Variants in BIRC2 observed in about 807,000 individuals in gnomAD.
BIRC2 encodes baculoviral IAP repeat-containing protein 2.
In BIRC2, 18 loss-of-function variants were observed where a neutral mutation model predicts 60.9. The ratio of observed to expected loss-of-function variants is 0.30; its 90% CI spans 0.20 to 0.44. BIRC2 has a LOEUF of 0.44. Among genes scored for constraint, BIRC2 ranks in the 20% least tolerant of loss-of-function variants. BIRC2 has a pLI of 1.00. For synonymous variants in BIRC2, 282 were observed against 247.7 expected (o/e 1.14, Z -1.30); for missense variants, 701 against 728.5 (o/e 0.96, Z 0.43).
intron 3 of BIRC2, among the ~76,000 whole-genome samples, chr11:102,360,902 G>A (rs1342885336): frequency 6.6e-6 from 1 of 151,902 alleles, no homozygotes; most frequent in Non-Finnish European, 1.5e-5. Context: ...ACTCCATGCA[G>A]CTCCATTAGC....
intron 3 of BIRC2, among the ~76,000 whole-genome samples, chr11:102,357,099 A>C (rs1951431670): frequency 6.6e-6 from 1 of 152,086 alleles, no homozygotes; most frequent in East Asian, 1.9e-4. Flanking sequence ...TAGGCTGCTG[A>C]ATTCGGTTTG....
chr11:102,354,397 C>A (rs61895375), intron 3 of BIRC2, among the ~76,000 whole-genome samples: 9,686 of 152,110 alleles, frequency 0.064, 356 homozygotes, highest in Non-Finnish European at 0.081. Flanking sequence ...TTTGTAGAGA[C>A]GGGGTTTCAC....
At chr11:102,364,186 CAGAGAGAGAGAGAG>C (rs56992401) in intron 5 of BIRC2, among the ~76,000 whole-genome samples, 2 of 99,794 alleles carry the variant, frequency 2.0e-5, no homozygotes, top group African/African-American at 4.2e-5. Flanking sequence ...CACACACACA[CAGAGAGAGAGAGAG>C]AGAGAGAGAG....
At chr11:102,360,330 C>T (rs1380188460) in intron 3 of BIRC2, among the ~76,000 whole-genome samples, 1 of 151,924 alleles carries the variant, frequency 6.6e-6, no homozygotes, top group Non-Finnish European at 1.5e-5. Context: ...TAGGCTTTCT[C>T]CACTATTCTT....
At chr11:102,363,635 C>T (rs1269971976) in intron 4 of BIRC2, 33 bp from the exon 5 acceptor site, 4 of 1,575,694 alleles carry the variant, frequency 2.5e-6, no homozygotes, top group Admixed American at 1.7e-5. Flanking sequence ...GGGATATCTG[C>T]TTTTACCTAT....
chr11:102,356,803 C>G (rs538077915), intron 3 of BIRC2, among the ~76,000 whole-genome samples: 5 of 151,582 alleles, frequency 3.3e-5, no homozygotes, highest in South Asian at 2.1e-4. Flanking sequence ...CTCAGCCTCC[C>G]GAGTAGGTGG....
Position 102,350,039 on chromosome 11 carries a change from T to G in BIRC2, c.185T>G (p.Val62Gly). The stretch of plus-strand genomic sequence containing the variant: ...TCAACTTTCCCCGCCGGGGTGCCTG[T>G]CTCAGAAAGGAGTCTTGCTCGTGCT... ...TYSTFPAGVP[V>G]SERSLARAGF... Residue 62 changes from valine (V) to glycine (G), a missense_variant, in exon 2 of 9, where the codon GTC becomes GGC. Around this residue, in one of 4 missense-constraint regions of BIRC2, gnomAD observed 375 missense variants for 365.9 expected, o/e 1.02. Coordinates refer to ENST00000227758, the MANE Select transcript of BIRC2 (RefSeq NM_001166.5). 6.2e-7 allele frequency: 1 copy of G among 1,614,232 alleles called. No individual in the cohort carries two copies. Among genetic ancestry groups the G allele is most frequent in the Non-Finnish European group, 8.5e-7 (1 of 1,180,040 alleles).
At chr11:102,365,927 A>C (rs1478393370) in intron 5 of BIRC2, among the ~76,000 whole-genome samples, 1 of 152,160 alleles carries the variant, frequency 6.6e-6, no homozygotes, top group Admixed American at 6.5e-5. Context: ...TGCTTGACTT[A>C]TCAGACCCCA....
At chr11:102,359,515 G>A (rs931844274) in intron 3 of BIRC2, among the ~76,000 whole-genome samples, 2 of 152,116 alleles carry the variant, frequency 1.3e-5, no homozygotes, top group African/African-American at 4.8e-5. Flanking sequence ...AGCGTTTCTT[G>A]TAAGGCGCGT....
intron 5 of BIRC2, among the ~76,000 whole-genome samples, chr11:102,364,172 T>TATATATATATATATATACAC: frequency 1.1e-5 from 1 of 89,730 alleles, no homozygotes; most frequent in East Asian, 3.6e-4. Flanking sequence ...TATATATATA[T>TATATATATATATATATACAC]ATACACACAC....
chr11:102,360,183 T>C (rs1423812854), intron 3 of BIRC2, among the ~76,000 whole-genome samples: 1 of 152,162 alleles, frequency 6.6e-6, no homozygotes, highest in Non-Finnish European at 1.5e-5. Flanking sequence ...GCCAGGCTGG[T>C]CTTGAACCCC....
intron 5 of BIRC2, among the ~76,000 whole-genome samples, chr11:102,364,687 A>T (rs986059335): frequency 3.3e-5 from 5 of 152,218 alleles, no homozygotes; most frequent in Admixed American, 3.3e-4. Context: ...CAGATTTGTT[A>T]ACTGGACCAG....
chr11:102,354,585 C>G (rs995025684), intron 3 of BIRC2, among the ~76,000 whole-genome samples: 1 of 152,184 alleles, frequency 6.6e-6, no homozygotes, highest in Non-Finnish European at 1.5e-5. Flanking sequence ...CTCTGAGATA[C>G]TGATTTCATT....
intron 3 of BIRC2, among the ~76,000 whole-genome samples, chr11:102,353,144 T>C (rs1465777140): frequency 2.0e-5 from 3 of 152,206 alleles, no homozygotes; most frequent in Non-Finnish European, 4.4e-5. Flanking sequence ...TAATCCATGT[T>C]GTGGTATCAA....
intron 5 of BIRC2, among the ~76,000 whole-genome samples, chr11:102,366,465 C>G (rs1951554041): frequency 6.6e-6 from 1 of 151,822 alleles, no homozygotes; most frequent in Admixed American, 6.6e-5. Context: ...CCGCCGGGTT[C>G]ACGCCATTCT....
rs745586003 is a variant in BIRC2 at position 102,362,926 on chromosome 11, A to G, written c.1026A>G (p.Gln342=). The G allele has an allele frequency of 8.7e-6, 14 of 1,613,178 alleles. No individual in the cohort carries two copies. The highest frequency in any genetic ancestry group is 1.2e-5 in the Non-Finnish European group (14 of 1,179,466). The change falls in exon 4 of 9, where the codon CAA becomes CAG. Residue 342 remains glutamine, a synonymous_variant. Coordinates refer to ENST00000227758, the MANE Select transcript of BIRC2 (RefSeq NM_001166.5). ...RCEFLIRMKG[Q]EFVDEIQGRY... ...AGTTCTTGATACGAATGAAAGGCCA[A>G]GAGTTTGTTGATGAGATTCAAGGTA...
At chr11:102,359,616 T>G (rs79119423) in intron 3 of BIRC2, among the ~76,000 whole-genome samples, 1 of 152,242 alleles carries the variant, frequency 6.6e-6, no homozygotes. Flanking sequence ...GGATACATAT[T>G]CTTGTCTGGT....
chr11:102,364,174 T>TATATATATATATATATATATATATAC (rs1389968594), intron 5 of BIRC2, among the ~76,000 whole-genome samples: 1 of 78,114 alleles, frequency 1.3e-5, no homozygotes, highest in Non-Finnish European at 2.3e-5. Context: ...TATATATATA[T>TATATATATATATATATATATATATAC]ACACACACAC....
intron 5 of BIRC2, among the ~76,000 whole-genome samples, chr11:102,364,649 T>G (rs535119436): frequency 6.6e-6 from 1 of 152,336 alleles, no homozygotes; most frequent in East Asian, 1.9e-4. Context: ...CCATTCTGTT[T>G]GTGGCACAGC....
Sources: gnomAD v4.1 joint callset for allele counts (sites outside exome capture counted in the v4.1 genomes callset) on GRCh38, gnomAD v4.1.1 for gene constraint, gnomAD v4.1.1 regional missense constraint, MANE v1.5 for transcripts, NCBI Gene and HGNC (gene_info 2026-07-23, HGNC 2026-07-21) for gene names.